CUL4B: variants seen among roughly 807,000 people sequenced by gnomAD.
The protein encoded by CUL4B is cullin-4B.
A neutral mutation model predicts 69.2 loss-of-function variants in CUL4B; 1 was observed. The observed-to-expected ratio is 0.01, with a 90% CI of 0.01 to 0.07. The LOEUF (loss-of-function observed/expected upper bound fraction) is 0.07. Ranked by LOEUF, CUL4B falls within the 10% of genes least tolerant of loss-of-function variation. The pLI is 1.00. For missense variants in CUL4B, 328 were observed against 638.8 expected, an observed-to-expected ratio of 0.51 and a Z score of 5.24; for synonymous variants, 237 against 223.2, an observed-to-expected ratio of 1.06 and a Z score of -0.55.
At chrX:120,561,711 CTT>C (rs1392232070), upstream of CUL4B, among the ~76,000 whole-genome samples, 1 of 109,484 alleles carries the variant, frequency 9.1e-6, no homozygotes, top group Non-Finnish European at 1.9e-5. Context: ...AGAATAGAAA[CTT>C]TGAAAGAGAT....
At chrX:120,540,142 T>C (rs898762633) in intron 11 of CUL4B, among the ~76,000 whole-genome samples, 1 of 112,320 alleles carries the variant, frequency 8.9e-6, no homozygotes, top group African/African-American at 3.2e-5. Flanking sequence ...TAAAGGTAAA[T>C]AGTGTCCAAC....
chrX:120,573,037 A>G (rs918564231), intron 2 of CUL4B, among the ~76,000 whole-genome samples: 4 of 111,885 alleles, frequency 3.6e-5, no homozygotes, highest in Middle Eastern at 4.2e-3. Context: ...AGAAGAATAT[A>G]GGATAAAAAG....
At chrX:120,534,793 C>A (rs1923553569) in intron 16 of CUL4B, among the ~76,000 whole-genome samples, 1 of 110,811 alleles carries the variant, frequency 9.0e-6, no homozygotes, top group Admixed American at 9.7e-5. Flanking sequence ...GATTAGCTGA[C>A]CTTTTAACAG....
chrX:120,565,882 C>T (rs1216856463), upstream of CUL4B, among the ~76,000 whole-genome samples: 3 of 105,061 alleles, frequency 2.9e-5, no homozygotes, highest in Non-Finnish European at 5.9e-5. Flanking sequence ...CCTACCACCA[C>T]GCCCAGCTAA....
intron 10 of CUL4B, 40 bp from the exon 11 acceptor site, chrX:120,540,602 G>A (rs1923930700): frequency 1.4e-5 from 14 of 971,424 alleles, no homozygotes; most frequent in South Asian, 1.0e-4. Flanking sequence ...TAATCGAATT[G>A]TCTACAATGA....
At chrX:120,528,720 CA>C (rs1030365288) in intron 19 of CUL4B, among the ~76,000 whole-genome samples, 2 of 108,857 alleles carry the variant, frequency 1.8e-5, no homozygotes, top group Non-Finnish European at 1.9e-5. Flanking sequence ...GACTCCATCT[CA>C]AAAAAAAACT....
At chrX:120,532,256 T>C (rs768618852) in intron 18 of CUL4B, 166 bp downstream of exon 18, 32 of 440,730 alleles carry the variant, frequency 7.3e-5, no homozygotes, top group Non-Finnish European at 1.1e-4. Context: ...GTACAACCAC[T>C]CTCCCAAACA....
chrX:120,549,220 C>T (rs921421025), intron 2 of CUL4B, among the ~76,000 whole-genome samples: 2 of 112,218 alleles, frequency 1.8e-5, no homozygotes, highest in East Asian at 5.6e-4. Context: ...TTAGAAGTCA[C>T]ATTCCCAATA....
exon 2 of CUL4B, chrX:120,574,596 A>T: frequency 8.3e-7 from 1 of 1,207,755 alleles, no homozygotes; most frequent in Non-Finnish European, 1.1e-6. Flanking sequence ...CCATCTCCTG[A>T]TCCAGATGAC....
intron 2 of CUL4B, among the ~76,000 whole-genome samples, chrX:120,556,626 G>A (rs1018995628): frequency 9.1e-6 from 1 of 109,404 alleles, no homozygotes; most frequent in African/African-American, 3.3e-5. Context: ...GACTGCTGTA[G>A]CCCTGGAGTT....
upstream of CUL4B, among the ~76,000 whole-genome samples, chrX:120,562,716 G>A (rs1925373991): frequency 9.0e-6 from 1 of 111,436 alleles, no homozygotes; most frequent in Non-Finnish European, 1.9e-5. Context: ...ACGGAAACAA[G>A]GGCAAAGCAA....
intron 14 of CUL4B, 32 bp downstream of exon 14, chrX:120,538,092 T>G: frequency 1.0e-6 from 1 of 972,643 alleles, no homozygotes; most frequent in Non-Finnish European, 1.5e-6. Context: ...TACAACTAAG[T>G]TTGAGGAATT....
At chrX:120,561,662 G>C (rs988157674), upstream of CUL4B, among the ~76,000 whole-genome samples, 4 of 109,160 alleles carry the variant, frequency 3.7e-5, no homozygotes, top group South Asian at 1.2e-3. Flanking sequence ...AGGAAGAGGA[G>C]GAGAGAGGGA....
chrX:120,571,605 A>G (rs1342848543), exon 3 of CUL4B: 1 of 111,471 alleles, frequency 9.0e-6, no homozygotes, highest in Non-Finnish European at 1.9e-5. Context: ...CTAGAGATCT[A>G]TGGATTACTT....
At chrX:120,561,167 G>A (rs1433207473), upstream of CUL4B, 110 of 824,485 alleles carry the variant, frequency 1.3e-4, no homozygotes, top group Non-Finnish European at 4.5e-5. Flanking sequence ...CGCTGCAGCC[G>A]CCCGGGGGGC....
At chrX:120,532,167 G>A (rs950079416) in intron 18 of CUL4B, among the ~76,000 whole-genome samples, 1 of 111,315 alleles carries the variant, frequency 9.0e-6, no homozygotes, top group African/African-American at 3.3e-5. Flanking sequence ...GCTATTTAAT[G>A]GCATGGAAAA....
In CUL4B at chrX:120,526,774, T is replaced by G; in HGVS notation, c.2675A>C (p.Asn892Thr). 1 of 1,178,044 alleles carries G rather than the reference T, an allele frequency of 8.5e-7. No homozygotes were observed. ...AAGGCCAACATTCTATGCAATATAG[T>G]TGTACTGGTTTGGATTTTCTTTATC... ...ERDKENPNQY[N>T]YIA is the part of the protein sequence containing the mutation. Residue 892 changes from asparagine to threonine, a missense_variant, in exon 20 of 20, where the codon AAC becomes ACC. Physicochemically the swap from Asn to Thr is moderately conservative, Grantham distance 65. Around this residue, in one of 4 missense-constraint regions of CUL4B, gnomAD observed 98 missense variants for 296.8 expected, o/e 0.33. Transcript: ENST00000371322.
At chrX:120,545,785 G>C (rs1250839722) in intron 4 of CUL4B, among the ~76,000 whole-genome samples, 1 of 97,355 alleles carries the variant, frequency 1.0e-5, no homozygotes, top group Non-Finnish European at 2.0e-5. Flanking sequence ...TCAAGGGGAC[G>C]CTCATATAAT....
chrX:120,560,591 A>G lies in CUL4B; in HGVS notation c.48T>C (p.Ala16=). 5.8e-6 allele frequency: 7 copies of G among 1,208,370 alleles called. No homozygotes were observed. Among genetic ancestry groups the G allele is most frequent in the Non-Finnish European group, 6.7e-6 (6 of 894,813 alleles). Residue 16 remains alanine (A), a synonymous_variant, in exon 1 of 20, where the codon GCT becomes GCC. Transcript: ENST00000371322. ...FSSPSPSAAA[A]AQEVRSATDG... ...CAGTGGCAGATCTGACCTCCTGAGC[A>G]GCAGCAGCAGCTGAGGGACTGGGGG...
Sources: gnomAD v4.1 joint callset for allele counts (sites outside exome capture counted in the v4.1 genomes callset) on GRCh38, gnomAD v4.1.1 for gene constraint, gnomAD v4.1.1 regional missense constraint, MANE v1.5 for transcripts, NCBI Gene and HGNC (gene_info 2026-07-23, HGNC 2026-07-21) for gene names.